Variants in TTC13 observed in about 807,000 individuals in gnomAD.
TTC13 encodes the protein tetratricopeptide repeat domain 13, also known as tetratricopeptide repeat protein 13.
TTC13 carries 62 observed loss-of-function variants against 120.0 expected under a neutral mutation model. The observed-to-expected ratio is 0.52, with a 90% CI of 0.42 to 0.64. The LOEUF (loss-of-function observed/expected upper bound fraction) is 0.64. Ranked by LOEUF, TTC13 falls within the 30% of genes least tolerant of loss-of-function variation. The pLI, the probability that TTC13 is intolerant of heterozygous loss-of-function variation, is 0.00. For missense variants in TTC13, 824 were observed against 1,050.2 expected, an observed-to-expected ratio of 0.78 and a Z score of 2.98; for synonymous variants, 384 against 393.5, an observed-to-expected ratio of 0.98 and a Z score of 0.28.
rs148878819 is a variant in TTC13, at chr1:230,954,360, T to C, written c.486A>G (p.Ala162=). The change falls in exon 4 of 23, where the codon GCA becomes GCG. Residue 162 remains alanine, a synonymous_variant. Coordinates refer to ENST00000366661, the MANE Select transcript of TTC13 (RefSeq NM_024525.5). ...GAAGCATTGTTGAAAAATGCCGTAT[T>C]GCTTCATCATACAGACCACTGCCAA... ...VLIGSGLYDE[A]IRHFSTMLQE... is the part of the protein sequence containing the mutation. 330 of 1,612,822 alleles carry C rather than the reference T, an allele frequency of 2.0e-4. 2 individuals carry two copies. The East Asian group carries it at 7.1e-3, about 35-fold the overall frequency.
At chr1:230,956,641 T>G (rs562064959) in intron 3 of TTC13, 3 of 316,406 alleles carry the variant, frequency 9.5e-6, no homozygotes, top group African/African-American at 6.7e-5. Context: ...TAGGAACATA[T>G]TTAGATGGCT....
intron 17 of TTC13, among the ~76,000 whole-genome samples, chr1:230,920,122 TA>T (rs375757723): frequency 5.3e-5 from 8 of 152,212 alleles, no homozygotes; most frequent in African/African-American, 1.9e-4. Flanking sequence ...AGTGGTCTAA[TA>T]AATACCACAG....
chr1:230,927,169 G>A (rs557729436), intron 12 of TTC13, among the ~76,000 whole-genome samples: 3 of 152,208 alleles, frequency 2.0e-5, no homozygotes, highest in South Asian at 4.1e-4. Flanking sequence ...AGTGTTAGCT[G>A]TGAACAAATT....
intron 1 of TTC13, among the ~76,000 whole-genome samples, chr1:230,964,874 TG>T (rs1676980305): frequency 1.3e-5 from 2 of 152,252 alleles, no homozygotes; most frequent in African/African-American, 2.4e-5. Flanking sequence ...GAATACACAC[TG>T]GGGAAGGCAG....
At chr1:230,939,643 T>C (rs1674374148) in intron 7 of TTC13, 147 bp from the exon 8 acceptor site, 2 of 529,492 alleles carry the variant, frequency 3.8e-6, no homozygotes, top group African/African-American at 3.8e-5. Flanking sequence ...ACACTATATA[T>C]TGGTTAAGTG....
chr1:230,918,773 T>C (rs547158082), intron 17 of TTC13, among the ~76,000 whole-genome samples: 3 of 152,220 alleles, frequency 2.0e-5, no homozygotes, highest in Non-Finnish European at 4.4e-5. Context: ...CTGGGTCAGA[T>C]GCTCAGCTCT....
chr1:230,951,544 A>G (rs1675581629), intron 4 of TTC13, among the ~76,000 whole-genome samples: 2 of 152,348 alleles, frequency 1.3e-5, no homozygotes, highest in Middle Eastern at 3.4e-3. Context: ...ACTTATTAGC[A>G]TATACAGAGA....
At chr1:230,907,340 C>T (rs1341802162) in intron 22 of TTC13, among the ~76,000 whole-genome samples, 3 of 152,198 alleles carry the variant, frequency 2.0e-5, no homozygotes, top group Admixed American at 2.0e-4. Context: ...AGCTTCACTC[C>T]TTATTAGCTT....
chr1:230,963,519 C>T (rs975834957), intron 1 of TTC13, among the ~76,000 whole-genome samples: 13 of 151,832 alleles, frequency 8.6e-5, no homozygotes, highest in Non-Finnish European at 2.9e-5. Context: ...GCCTGTAGTC[C>T]CAGCTACCCA....
At chr1:230,970,799 C>T (rs568724310) in intron 1 of TTC13, among the ~76,000 whole-genome samples, 86 of 152,304 alleles carry the variant, frequency 5.6e-4, no homozygotes, top group South Asian at 5.2e-3. Flanking sequence ...GCACTTATCA[C>T]TCGACCACCT....
rs780742738 is a variant in TTC13 at position 230,908,738 on chromosome 1, G to A, written c.2442C>T (p.Val814=). The part of the protein sequence containing the change: ...TAPGSEAFSK[V]AKSWMNLKSI... Reference sequence around the variant, plus strand: ...TTTTCAAGTTCATCCAGCTTTTGGCGACTTTGCTAAAGGCCTCTGAACCAG... The same window carrying A: ...TTTTCAAGTTCATCCAGCTTTTGGCAACTTTGCTAAAGGCCTCTGAACCAG... Residue 814 remains valine (V), a synonymous_variant, in exon 22 of 23, where the codon GTC becomes GTT. Coordinates refer to ENST00000366661, the MANE Select transcript of TTC13 (RefSeq NM_024525.5). 10 of 1,613,316 alleles carry A rather than the reference G, an allele frequency of 6.2e-6. No individual in the cohort carries two copies. Among genetic ancestry groups the A allele is most frequent in the East Asian group, 2.2e-5 (1 of 44,868 alleles).
chr1:230,923,430 G>A (rs1050167024), intron 15 of TTC13, among the ~76,000 whole-genome samples: 2 of 152,000 alleles, frequency 1.3e-5, no homozygotes, highest in East Asian at 1.9e-4. Context: ...ATGGGGAGCC[G>A]CCCACCGTGA....
chr1:230,916,765 A>G (rs1672072931), intron 17 of TTC13, among the ~76,000 whole-genome samples: 1 of 152,210 alleles, frequency 6.6e-6, no homozygotes, highest in Non-Finnish European at 1.5e-5. Flanking sequence ...TAACTGGAGA[A>G]CTTCATTCAC....
chr1:230,933,057 C>T (rs1161892798), intron 9 of TTC13, among the ~76,000 whole-genome samples: 1 of 152,190 alleles, frequency 6.6e-6, no homozygotes, highest in Non-Finnish European at 1.5e-5. Flanking sequence ...ACCGCAACCT[C>T]TGACTCCCGG....
At chr1:230,946,119 T>G (rs1393305897) in intron 4 of TTC13, among the ~76,000 whole-genome samples, 1 of 152,246 alleles carries the variant, frequency 6.6e-6, no homozygotes, top group Admixed American at 6.5e-5. Context: ...CATTGAGTCC[T>G]TACACACAGG....
intron 12 of TTC13, among the ~76,000 whole-genome samples, chr1:230,928,287 T>C (rs963535390): frequency 6.6e-6 from 1 of 152,232 alleles, no homozygotes; most frequent in Non-Finnish European, 1.5e-5. Flanking sequence ...TTTATTTGTT[T>C]TATCTTAGTA....
chr1:230,936,339 A>G (rs979914913), intron 8 of TTC13: 1 of 430,780 alleles, frequency 2.3e-6, no homozygotes, highest in South Asian at 1.7e-5. Flanking sequence ...GAATGAATCA[A>G]TCTCTAAGCA....
At chr1:230,955,951 G>A (rs1249381576) in intron 3 of TTC13, among the ~76,000 whole-genome samples, 2 of 152,154 alleles carry the variant, frequency 1.3e-5, no homozygotes, top group Admixed American at 6.5e-5. Context: ...GTTTTGGTGG[G>A]GGTGGTGGAG....
intron 3 of TTC13, 41 bp downstream of exon 3, chr1:230,958,183 G>A (rs888917218): frequency 1.2e-6 from 2 of 1,600,788 alleles, no homozygotes; most frequent in Non-Finnish European, 1.7e-6. Flanking sequence ...CCAAAACTTT[G>A]AGGCAAATAT....
Sources: gnomAD v4.1 joint callset for allele counts (sites outside exome capture counted in the v4.1 genomes callset) on GRCh38, gnomAD v4.1.1 for gene constraint, MANE v1.5 for transcripts, NCBI Gene and HGNC (gene_info 2026-07-23, HGNC 2026-07-21) for gene names.